The following SH2D4B variants were observed in gnomAD, a reference collection of about 807,000 sequenced individuals.
SH2D4B encodes the protein SH2 domain-containing protein 4B.
Under a neutral mutation model 61.5 loss-of-function variants are expected in SH2D4B, and 45 were observed. The observed-to-expected ratio is 0.73, with a 90% CI of 0.58 to 0.94. SH2D4B has a LOEUF of 0.94. Ranked by LOEUF, SH2D4B falls within the 40% of genes least tolerant of loss-of-function variation. The pLI, the probability that SH2D4B is intolerant of heterozygous loss-of-function variation, is 0.00. For missense variants in SH2D4B, 572 were observed against 574.2 expected (o/e 1.00, Z 0.04); for synonymous variants, 224 against 220.4 (o/e 1.02, Z -0.14).
intron 5 of SH2D4B, among the ~76,000 whole-genome samples, chr10:80,605,973 A>G (rs557728445): frequency 6.6e-6 from 1 of 152,304 alleles, no homozygotes; most frequent in South Asian, 2.1e-4. Context: ...TGTGCAGCCA[A>G]TAGGGGAGCA....
intron 1 of SH2D4B, among the ~76,000 whole-genome samples, chr10:80,543,286 AC>A (rs1250242767): frequency 1.3e-5 from 2 of 151,782 alleles, no homozygotes; most frequent in African/African-American, 4.8e-5. Context: ...GCCAGCGGGA[AC>A]CGGGGCCAGC....
chr10:80,643,207 ATGG>A (rs966682259), intron 7 of SH2D4B, among the ~76,000 whole-genome samples: 2 of 148,074 alleles, frequency 1.4e-5, no homozygotes, highest in Non-Finnish European at 3.0e-5. Flanking sequence ...TTTAATTTAA[ATGG>A]TCATGCTTTT....
intron 6 of SH2D4B, among the ~76,000 whole-genome samples, chr10:80,628,396 C>T (rs555950256): frequency 1.3e-5 from 2 of 152,276 alleles, no homozygotes; most frequent in East Asian, 1.9e-4. Context: ...CTGCCATCCA[C>T]GTAAGATGTG....
intron 4 of SH2D4B, among the ~76,000 whole-genome samples, chr10:80,599,984 G>A (rs1842432453): frequency 6.6e-6 from 1 of 152,124 alleles, no homozygotes; most frequent in Non-Finnish European, 1.5e-5. Context: ...CTTTCTAAAG[G>A]TGCCATTTCA....
At chr10:80,598,328 G>A (rs1016214232) in intron 4 of SH2D4B, among the ~76,000 whole-genome samples, 5 of 152,160 alleles carry the variant, frequency 3.3e-5, no homozygotes, top group African/African-American at 4.8e-5. Context: ...AGCAGGGCTG[G>A]TTTCTCATTA....
rs527483268 is a variant in SH2D4B at position 80,595,943 on chromosome 10, A to T, written c.643+7166A>T. Among the ~76,000 whole-genome samples, 8 of 152,324 alleles carry T rather than the reference A, an allele frequency of 5.3e-5. No individual in the cohort carries two copies. In the South Asian group the frequency reaches 1.7e-3, roughly 32 times the overall value. ...AGTGGGATTTTGCTTTTAAGTCTCC[A>T]TTCCTTGTTACTTGGGTATTGGTGT... is the stretch of plus-strand genomic sequence containing the variant. On this transcript the variant is annotated intron_variant, in intron 4 of 7. Transcript: ENST00000646907.
At chr10:80,543,605 C>G (rs190924391) in intron 1 of SH2D4B, among the ~76,000 whole-genome samples, 1 of 152,228 alleles carries the variant, frequency 6.6e-6, no homozygotes, top group African/African-American at 2.4e-5. Flanking sequence ...GCGGGCGCAC[C>G]GCGCGGGACT....
chr10:80,617,394 C>T (rs1842672505), intron 6 of SH2D4B, among the ~76,000 whole-genome samples: 1 of 152,184 alleles, frequency 6.6e-6, no homozygotes, highest in Non-Finnish European at 1.5e-5. Flanking sequence ...ATATAGTCTG[C>T]AAAGTCCTTA....
chr10:80,621,702 A>G (rs1842718717), intron 6 of SH2D4B, among the ~76,000 whole-genome samples: 2 of 152,168 alleles, frequency 1.3e-5, no homozygotes, highest in Admixed American at 1.3e-4. Flanking sequence ...GTCCTGTTTT[A>G]GCACATCTAC....
intron 3 of SH2D4B, among the ~76,000 whole-genome samples, chr10:80,584,909 G>A (rs1425884066): frequency 6.6e-6 from 1 of 152,194 alleles, no homozygotes; most frequent in African/African-American, 2.4e-5. Context: ...CAGACACATG[G>A]ACGTAGCCAA....
At chr10:80,578,594 T>G (rs902184156) in intron 3 of SH2D4B, among the ~76,000 whole-genome samples, 7 of 152,004 alleles carry the variant, frequency 4.6e-5, no homozygotes, top group Admixed American at 2.6e-4. Context: ...AAGTTCATGA[T>G]GGATGGAGCC....
At position 80,602,924 on chromosome 10, in the gene SH2D4B, C is replaced by T. The variant is rs917184886; in HGVS notation, c.644-655C>T. Among the ~76,000 whole-genome samples, 9 of 152,192 alleles carry T rather than the reference C, an allele frequency of 5.9e-5. No individual in the cohort carries two copies. The East Asian group carries it at 1.7e-3, about 29-fold the overall frequency. On this transcript the variant is annotated intron_variant, in intron 4 of 7. Transcript: ENST00000646907. ...ACAGTGTGGGTTTTAGAGCCAGGCA[C>T]ACCTGGGTTTCTGTCCAGGCTCTGC...
intron 1 of SH2D4B, among the ~76,000 whole-genome samples, chr10:80,554,127 G>GA (rs2132108326): frequency 6.6e-6 from 1 of 152,342 alleles, no homozygotes; most frequent in South Asian, 2.1e-4. Context: ...TTTTCCAGAA[G>GA]ACTGAAGTTC....
intron 7 of SH2D4B, among the ~76,000 whole-genome samples, chr10:80,639,985 G>A (rs1010736439): frequency 2.6e-5 from 4 of 152,118 alleles, no homozygotes; most frequent in African/African-American, 9.7e-5. Context: ...CAGGCCTGGT[G>A]GTGACAAAAT....
At chr10:80,562,344 A>T (rs1206292350) in intron 1 of SH2D4B, among the ~76,000 whole-genome samples, 2 of 152,256 alleles carry the variant, frequency 1.3e-5, no homozygotes, top group African/African-American at 4.8e-5. Flanking sequence ...TGAAATGACA[A>T]ATATCAAAAT....
intron 1 of SH2D4B, among the ~76,000 whole-genome samples, chr10:80,557,832 T>C (rs1006421959): frequency 3.9e-5 from 6 of 152,084 alleles, no homozygotes; most frequent in African/African-American, 1.4e-4. Flanking sequence ...TGTTTTCCAT[T>C]TTATCAGTTT....
intron 4 of SH2D4B, among the ~76,000 whole-genome samples, chr10:80,592,410 T>G (rs1307726484): frequency 6.6e-6 from 1 of 152,212 alleles, no homozygotes; most frequent in African/African-American, 2.4e-5. Flanking sequence ...TTTTTTTGGT[T>G]GTTTATGATT....
intron 1 of SH2D4B, among the ~76,000 whole-genome samples, chr10:80,557,790 G>A (rs1381281342): frequency 2.0e-5 from 3 of 151,872 alleles, no homozygotes; most frequent in Admixed American, 2.0e-4. Flanking sequence ...ACTAATTTTC[G>A]TTTGTTTTAT....
chr10:80,617,985 T>C (rs1027916019), intron 6 of SH2D4B, among the ~76,000 whole-genome samples: 5 of 152,180 alleles, frequency 3.3e-5, no homozygotes, highest in African/African-American at 1.2e-4. Context: ...TCTGCCTTGA[T>C]TAGCTAGCCC....
Sources: gnomAD v4.1 joint callset for allele counts (sites outside exome capture counted in the v4.1 genomes callset) on GRCh38, gnomAD v4.1.1 for gene constraint, MANE v1.5 for transcripts, NCBI Gene and HGNC (gene_info 2026-07-23, HGNC 2026-07-21) for gene names.